The following P2RX3 variants were observed in gnomAD, a reference collection of about 807,000 sequenced individuals.
P2RX3 encodes the protein purinergic receptor P2X 3.
Under a neutral mutation model 51.5 loss-of-function variants are expected in P2RX3, and 41 were observed. The ratio of observed to expected loss-of-function variants is 0.80; its 90% CI spans 0.62 to 1.03. P2RX3 has a LOEUF of 1.03. P2RX3 is among the 50% of genes least tolerant of loss of function. P2RX3 has a pLI of 0.00. For synonymous variants in P2RX3, 185 were observed against 191.6 expected, an observed-to-expected ratio of 0.97 and a Z score of 0.29; for missense variants, 459 against 522.1, an observed-to-expected ratio of 0.88 and a Z score of 1.18.
At chr11:57,368,709 C>T (rs1856835591) in intron 10 of P2RX3, among the ~76,000 whole-genome samples, 2 of 152,104 alleles carry the variant, frequency 1.3e-5, no homozygotes, top group African/African-American at 4.8e-5. Context: ...CGTTTCTCAC[C>T]GTATAGCTGG....
intron 6 of P2RX3, among the ~76,000 whole-genome samples, 164 bp downstream of exon 6, chr11:57,348,868 C>T (rs1194188326): frequency 1.3e-5 from 2 of 152,198 alleles, no homozygotes; most frequent in African/African-American, 4.8e-5. Context: ...CGGGCCTTGG[C>T]CACTGAGGAT....
chr11:57,352,883 A>G (rs74481163), intron 8 of P2RX3, among the ~76,000 whole-genome samples: 2,829 of 152,290 alleles, frequency 0.019, 38 homozygotes, highest in Middle Eastern at 0.034. Flanking sequence ...CTCCCCCAAC[A>G]AAGTCCCCCA....
chr11:57,350,186 A>G (rs913296460), intron 7 of P2RX3: 1 of 444,364 alleles, frequency 2.3e-6, no homozygotes, highest in Non-Finnish European at 4.1e-6. Context: ...AATAAGCCCC[A>G]AACGACGGGA....
intron 10 of P2RX3, among the ~76,000 whole-genome samples, chr11:57,369,012 C>T (rs1297262525): frequency 1.3e-5 from 2 of 152,142 alleles, no homozygotes; most frequent in African/African-American, 4.8e-5. Flanking sequence ...GATCTCTCTT[C>T]CTCATCTTAT....
intron 8 of P2RX3, among the ~76,000 whole-genome samples, chr11:57,357,042 G>A (rs1286846536): frequency 6.6e-6 from 1 of 152,214 alleles, no homozygotes; most frequent in Non-Finnish European, 1.5e-5. Context: ...AGAGCCAGGT[G>A]TGGTGGCTCA....
intron 2 of P2RX3, 77 bp downstream of exon 2, chr11:57,346,756 G>A: frequency 6.4e-7 from 1 of 1,551,688 alleles, no homozygotes; most frequent in South Asian, 1.2e-5. Context: ...CGAGCAAAGA[G>A]TGCCAATGGG....
intron 11 of P2RX3, 21 bp downstream of exon 11, chr11:57,369,459 C>T (rs1856847803): frequency 6.3e-7 from 1 of 1,597,154 alleles, no homozygotes; most frequent in Admixed American, 1.8e-5. Flanking sequence ...GAAGGGGCAC[C>T]CTTGGATAAA....
At chr11:57,337,135 T>C (rs1856237873), upstream of P2RX3, among the ~76,000 whole-genome samples, 1 of 151,370 alleles carries the variant, frequency 6.6e-6, no homozygotes, top group African/African-American at 2.4e-5. Context: ...CTATTAAAAA[T>C]ACAAAAATTA....
In P2RX3 at chr11:57,370,390, T is replaced by C. The variant is rs1856867085; in HGVS notation, c.*393T>C. The C allele has an allele frequency of 6.1e-6, 1 of 163,384 alleles. No homozygotes were observed. The allele number at this position is 163,384 out of a possible 1,614,324, so 10.1% of individuals were successfully genotyped here. On this transcript the variant is annotated 3_prime_UTR_variant, in exon 12 of 12. Transcript: ENST00000263314. ...CTATGAGGTAGATATTAGTTTCCCTTGTTTTGAAGATAAACCAAGGCTCAG... is the reference window on the plus strand; with the variant it reads ...CTATGAGGTAGATATTAGTTTCCCTCGTTTTGAAGATAAACCAAGGCTCAG...
At chr11:57,342,527 C>A (rs892862344) in intron 1 of P2RX3, among the ~76,000 whole-genome samples, 2 of 152,018 alleles carry the variant, frequency 1.3e-5, no homozygotes, top group African/African-American at 4.8e-5. Context: ...CCTGCCCTCT[C>A]CCCCAATATG....
chr11:57,336,827 A>G (rs141858805), upstream of P2RX3, among the ~76,000 whole-genome samples: 4 of 152,334 alleles, frequency 2.6e-5, no homozygotes, highest in African/African-American at 9.6e-5. Flanking sequence ...TCCTGGGGTA[A>G]GAGACAACAG....
chr11:57,369,852 G>A, intron 11 of P2RX3, 32 bp from the exon 12 acceptor site: 1 of 1,493,632 alleles, frequency 6.7e-7, no homozygotes, highest in South Asian at 1.1e-5. Context: ...CCCATAGTCA[G>A]AACTTGACAA....
Position 57,347,424 on chromosome 11 carries a change from A to T in P2RX3, c.337A>T (p.Lys113Ter). 2 of 1,559,816 alleles carry T rather than the reference A, an allele frequency of 1.3e-6. No homozygotes were observed. The highest frequency in any genetic ancestry group is 1.7e-6 in the Non-Finnish European group (2 of 1,151,344). The change falls in exon 4 of 12, where the codon AAA (lysine) becomes TAA (stop). Residue 113 changes from lysine to a stop codon, truncating the protein, a stop_gained. Coordinates refer to ENST00000263314, the MANE Select transcript of P2RX3 (RefSeq NM_002559.5). LOFTEE classifies it high-confidence loss of function. Reference sequence around the variant, plus strand: ...ACCCGTCTGCCCACAGAGTGAGGAGAAATACCGCTGTGTATCAGACAGCCA... The same window carrying T: ...ACCCGTCTGCCCACAGAGTGAGGAGTAATACCGCTGTGTATCAGACAGCCA... ...MQGFCPESEE[K>*]YRCVSDSQCG...
At position 57,369,937 on chromosome 11, in the gene P2RX3, C is replaced by A. The variant is rs773120103; in HGVS notation, c.1134C>A (p.Ser378Arg). The A allele has an allele frequency of 7.4e-6, 12 of 1,614,074 alleles. No homozygotes were observed. The highest frequency in any genetic ancestry group is 6.6e-5 in the South Asian group (6 of 91,082). The change falls in exon 12 of 12, where the codon AGC (serine) becomes AGA (arginine). Residue 378 changes from serine to arginine, a missense_variant. Transcript: ENST00000263314. ...IAALTNPVYP[S>R]DQTTAEKQST... ...CTTTGACCAACCCAGTGTACCCCAG[C>A]GACCAGACCACAGCGGAGAAGCAGT...
intron 1 of P2RX3, chr11:57,340,525 T>G (rs148301381): frequency 6.6e-6 from 1 of 152,332 alleles, no homozygotes; most frequent in South Asian, 2.1e-4. Flanking sequence ...ATGCACGTTG[T>G]GACTTCATGA....
At chr11:57,348,971 C>G (rs1460571300) in intron 6 of P2RX3, among the ~76,000 whole-genome samples, 5 of 152,204 alleles carry the variant, frequency 3.3e-5, no homozygotes, top group African/African-American at 1.2e-4. Flanking sequence ...AGAGGGACAA[C>G]TTAGGCCTAG....
chr11:57,340,589 C>T (rs183113894), intron 1 of P2RX3: 1 of 152,298 alleles, frequency 6.6e-6, no homozygotes, highest in African/African-American at 2.4e-5. Context: ...ATGCCAGGCA[C>T]TGTGGATTGA....
chr11:57,360,107 T>C lies in P2RX3; in HGVS notation c.843-7902T>C, dbSNP rs76251065. ...AGCCGCCAGCTAACTCATTCAGCTG[T>C]TGTGAGGCCTAAATGAAACAACAGG... On this transcript the variant is annotated intron_variant, in intron 8 of 11. Coordinates refer to ENST00000263314, the MANE Select transcript of P2RX3 (RefSeq NM_002559.5). 8.1e-3 allele frequency among the ~76,000 whole-genome samples: 1,228 copies of C among 152,306 alleles called. 20 individuals are homozygous for C. The highest frequency in any genetic ancestry group is 0.029 in the African/African-American group (1,188 of 41,562).
chr11:57,353,241 C>T (rs1421815644), intron 8 of P2RX3, among the ~76,000 whole-genome samples: 1 of 152,198 alleles, frequency 6.6e-6, no homozygotes, highest in Non-Finnish European at 1.5e-5. Flanking sequence ...TTTAGAATCT[C>T]ACCAAGCTAC....
Sources: allele counts gnomAD v4.1 joint callset (sites outside exome capture counted in the v4.1 genomes callset), GRCh38; gene constraint gnomAD v4.1.1; transcripts MANE v1.5; gene names NCBI Gene and HGNC (gene_info 2026-07-23, HGNC 2026-07-21).